PDE4D: variants seen among roughly 807,000 people sequenced by gnomAD.
PDE4D encodes the protein 3',5'-cyclic-AMP phosphodiesterase 4D.
In PDE4D, 24 loss-of-function variants were observed where a neutral mutation model predicts 87.4. That is an observed-to-expected ratio of 0.27 (90% CI 0.20 to 0.39). The LOEUF (loss-of-function observed/expected upper bound fraction) is 0.39, where lower values mean the gene tolerates loss of function less well. Among genes scored for constraint, PDE4D ranks in the 10% least tolerant of loss-of-function variants. The pLI is 1.00. For synonymous variants in PDE4D, 384 were observed against 383.2 expected, an observed-to-expected ratio of 1.00 and a Z score of -0.02; for missense variants, 714 against 1,041.0, an observed-to-expected ratio of 0.69 and a Z score of 4.32.
chr5:60,317,279 G>A (rs900076345), intron 1 of PDE4D, among the ~76,000 whole-genome samples: 10 of 152,170 alleles, frequency 6.6e-5, no homozygotes, highest in Non-Finnish European at 1.3e-4. Context: ...TTGCATAGAG[G>A]TGTTTATAGT....
intron 11 of PDE4D, among the ~76,000 whole-genome samples, chr5:58,982,238 T>C (rs559184201): frequency 3.3e-4 from 51 of 152,266 alleles, no homozygotes; most frequent in Middle Eastern, 6.8e-3. Flanking sequence ...GCACCACATA[T>C]TGGATGCTGA....
At chr5:60,110,258 T>C (rs1210766926) in intron 2 of PDE4D, among the ~76,000 whole-genome samples, 1 of 152,032 alleles carries the variant, frequency 6.6e-6, no homozygotes, top group Admixed American at 6.6e-5. Context: ...GAGAAAATAT[T>C]TGCAAACTAT....
At chr5:60,088,230 C>T (rs994125472) in intron 2 of PDE4D, among the ~76,000 whole-genome samples, 3 of 151,438 alleles carry the variant, frequency 2.0e-5, no homozygotes, top group East Asian at 1.9e-4. Flanking sequence ...TACAACACGA[C>T]ACTTCGCCTA....
intron 6 of PDE4D, among the ~76,000 whole-genome samples, chr5:58,996,723 C>T (rs1749323701): frequency 1.3e-5 from 2 of 151,996 alleles, no homozygotes; most frequent in South Asian, 2.1e-4. Context: ...TGCAGATATG[C>T]TACATATATT....
intron 1 of PDE4D, among the ~76,000 whole-genome samples, chr5:60,357,987 T>G (rs1359372969): frequency 6.6e-6 from 1 of 152,194 alleles, no homozygotes; most frequent in East Asian, 1.9e-4. Context: ...CATTTAATCT[T>G]CACTACAACC....
intron 2 of PDE4D, among the ~76,000 whole-genome samples, chr5:60,122,756 T>C (rs1010212144): frequency 1.3e-5 from 2 of 152,244 alleles, no homozygotes; most frequent in African/African-American, 2.4e-5. Flanking sequence ...TCGTTACTTA[T>C]GCAAATTTCT....
At position 59,431,084 on chromosome 5, in the gene PDE4D, G is replaced by A. The variant is rs977668023; in HGVS notation, c.456-215116C>T. On this transcript the variant is annotated intron_variant, in intron 1 of 14. Transcript: ENST00000340635. Reference sequence around the variant, plus strand: ...AAGCAATGTCTTTATTCACTAAAACGTTGATGATGATACACATTTTTTTTC... The same window carrying A: ...AAGCAATGTCTTTATTCACTAAAACATTGATGATGATACACATTTTTTTTC... Among the ~76,000 whole-genome samples the A allele has an allele frequency of 4.1e-4, 62 of 152,128 alleles. 1 individual carries two copies. The highest frequency in any genetic ancestry group is 1.4e-3 in the African/African-American group (58 of 41,520).
intron 1 of PDE4D, among the ~76,000 whole-genome samples, chr5:60,287,576 T>A (rs185338323): frequency 6.6e-6 from 1 of 152,266 alleles, no homozygotes; most frequent in East Asian, 1.9e-4. Context: ...CAATCCAGAA[T>A]CCTCTGCCTC....
chr5:59,715,784 A>T (rs959115346), intron 1 of PDE4D, among the ~76,000 whole-genome samples: 1 of 152,186 alleles, frequency 6.6e-6, no homozygotes, highest in Non-Finnish European at 1.5e-5. Context: ...AAGGTAGGGA[A>T]ATAAAAACCT....
intron 1 of PDE4D, among the ~76,000 whole-genome samples, chr5:59,231,763 C>A (rs918258284): frequency 6.6e-6 from 1 of 152,220 alleles, no homozygotes; most frequent in Non-Finnish European, 1.5e-5. Flanking sequence ...GTCTTTACTT[C>A]TACCACCTTC....
At chr5:59,937,607 G>C (rs530447066) in intron 3 of PDE4D, among the ~76,000 whole-genome samples, 1 of 152,178 alleles carries the variant, frequency 6.6e-6, no homozygotes, top group Admixed American at 6.5e-5. Flanking sequence ...GAAAGAAAAA[G>C]AGAAAACTCT....
At chr5:59,177,645 C>G (rs1455754586) in intron 5 of PDE4D, among the ~76,000 whole-genome samples, 1 of 152,158 alleles carries the variant, frequency 6.6e-6, no homozygotes, top group Non-Finnish European at 1.5e-5. Flanking sequence ...AGAGCAACCA[C>G]GTGGTATAAT....
At chr5:59,792,048 C>T (rs1379377527) in intron 1 of PDE4D, among the ~76,000 whole-genome samples, 1 of 152,182 alleles carries the variant, frequency 6.6e-6, no homozygotes, top group Non-Finnish European at 1.5e-5. Flanking sequence ...GAAGAGGGAC[C>T]TTAAACAAGC....
chr5:59,205,653 AACACACACACACACACACACACAC>A (rs35509503), intron 2 of PDE4D, among the ~76,000 whole-genome samples: 1 of 136,408 alleles, frequency 7.3e-6, no homozygotes, highest in Admixed American at 7.6e-5. Context: ...CCACTAGCTA[AACACACACACACACACACACACAC>A]ACACACACAC....
chr5:60,465,392 A>G (rs527686738), intron 1 of PDE4D, among the ~76,000 whole-genome samples: 1 of 152,280 alleles, frequency 6.6e-6, no homozygotes, highest in East Asian at 1.9e-4. Flanking sequence ...TAACATACAT[A>G]TTATTCCACT....
chr5:59,336,412 T>C (rs1171095271), intron 1 of PDE4D, among the ~76,000 whole-genome samples: 3 of 152,250 alleles, frequency 2.0e-5, no homozygotes, highest in Admixed American at 1.3e-4. Flanking sequence ...ACTATTATTA[T>C]ATTTTTGAAA....
intron 1 of PDE4D, among the ~76,000 whole-genome samples, chr5:59,507,679 A>AGAAAAAGAAAAG (rs1554198805): frequency 1.2e-4 from 14 of 118,718 alleles, no homozygotes; most frequent in African/African-American, 4.5e-4. Flanking sequence ...AAAAAAAAAA[A>AGAAAAAGAAAAG]AAAAGAAAAG....
chr5:59,768,713 C>A (rs1300467933), intron 1 of PDE4D: 2 of 1,271,298 alleles, frequency 1.6e-6, no homozygotes, highest in East Asian at 5.1e-5. Context: ...AAACGTCACC[C>A]CTCCTCTCCC....
At chr5:59,234,039 G>A (rs997238048) in intron 1 of PDE4D, among the ~76,000 whole-genome samples, 3 of 152,036 alleles carry the variant, frequency 2.0e-5, no homozygotes, top group African/African-American at 7.2e-5. Flanking sequence ...TTTTCTAAAG[G>A]CATTTGACCT....
Sources: gnomAD v4.1 joint callset for allele counts (sites outside exome capture counted in the v4.1 genomes callset) on GRCh38, gnomAD v4.1.1 for gene constraint, MANE v1.5 for transcripts, NCBI Gene and HGNC (gene_info 2026-07-23, HGNC 2026-07-21) for gene names.